MYT1L: variants seen among roughly 807,000 people sequenced by gnomAD.
MYT1L encodes the protein myelin transcription factor 1 like, also known as myelin transcription factor 1-like protein.
A neutral mutation model predicts 126.7 loss-of-function variants in MYT1L; 12 were observed. That is an observed-to-expected ratio of 0.09 (90% CI 0.06 to 0.15). The LOEUF is 0.15. Among genes scored for constraint, MYT1L ranks in the 10% least tolerant of loss-of-function variants. The pLI, the probability that MYT1L is intolerant of heterozygous loss-of-function variation, is 1.00. For missense variants in MYT1L, 979 were observed against 1,585.2 expected, an observed-to-expected ratio of 0.62 and a Z score of 6.49; for synonymous variants, 541 against 604.2, an observed-to-expected ratio of 0.90 and a Z score of 1.53.
intron 2 of MYT1L, among the ~76,000 whole-genome samples, chr2:2,245,321 G>A (rs35229366): frequency 1.3e-5 from 2 of 152,062 alleles, no homozygotes; most frequent in Non-Finnish European, 2.9e-5. Context: ...GCCCTGTAGA[G>A]TCCTGGAGAA....
intron 2 of MYT1L, among the ~76,000 whole-genome samples, chr2:2,213,370 G>C (rs988173483): frequency 4.6e-5 from 7 of 152,182 alleles, no homozygotes; most frequent in Non-Finnish European, 1.5e-5. Flanking sequence ...CTTCAGGACA[G>C]AGCACTGCAG....
chr2:2,322,580 A>T (rs1414684666), intron 1 of MYT1L, among the ~76,000 whole-genome samples: 2 of 151,604 alleles, frequency 1.3e-5, no homozygotes, highest in Non-Finnish European at 2.9e-5. Flanking sequence ...CTAATATGAC[A>T]CAATTTTGAC....
intron 1 of MYT1L, among the ~76,000 whole-genome samples, chr2:2,308,489 C>T (rs527961130): frequency 2.6e-5 from 4 of 151,876 alleles, no homozygotes; most frequent in African/African-American, 9.7e-5. Flanking sequence ...TATACTCCAA[C>T]TATGCTTCAG....
At chr2:2,118,270 T>C (rs540709371) in intron 3 of MYT1L, among the ~76,000 whole-genome samples, 1 of 152,070 alleles carries the variant, frequency 6.6e-6, no homozygotes, top group Non-Finnish European at 1.5e-5. Context: ...ATCTTAGATA[T>C]TTAATATGAA....
chr2:2,145,317 T>C (rs916339076), intron 3 of MYT1L, among the ~76,000 whole-genome samples: 3 of 152,182 alleles, frequency 2.0e-5, no homozygotes, highest in African/African-American at 4.8e-5. Flanking sequence ...ATTTGTGAAA[T>C]GGAATCAGCA....
At chr2:2,262,219 ATG>A (rs1214145952) in intron 2 of MYT1L, among the ~76,000 whole-genome samples, 2 of 152,216 alleles carry the variant, frequency 1.3e-5, no homozygotes, top group Non-Finnish European at 2.9e-5. Context: ...GAATGAATGA[ATG>A]TGTGTTTTAT....
chr2:2,211,278 A>T (rs1161973227), intron 2 of MYT1L, among the ~76,000 whole-genome samples: 1 of 152,208 alleles, frequency 6.6e-6, no homozygotes, highest in African/African-American at 2.4e-5. Flanking sequence ...ATCACATAAC[A>T]ATGACCACGT....
intron 2 of MYT1L, among the ~76,000 whole-genome samples, chr2:2,237,024 G>T (rs1318876508): frequency 6.6e-6 from 1 of 151,968 alleles, no homozygotes; most frequent in Non-Finnish European, 1.5e-5. Context: ...ATGTTGGTCA[G>T]GTTGGTCTCG....
At chr2:2,232,791 G>A (rs1282141540) in intron 2 of MYT1L, among the ~76,000 whole-genome samples, 2 of 152,204 alleles carry the variant, frequency 1.3e-5, no homozygotes, top group Non-Finnish European at 2.9e-5. Flanking sequence ...AGACAGGGCA[G>A]GCAAGAAGAG....
At position 1,912,632 on chromosome 2, in the gene MYT1L, A is replaced by AT. The variant is rs2052209766; in HGVS notation, c.1619-523dup. Among the ~76,000 whole-genome samples, 1 of 152,232 alleles carries AT rather than the reference A, an allele frequency of 6.6e-6. No homozygotes were observed. ...GATGAATACAGAACCACAAACCTTA[A>AT]TTTTAAATAAAATGAATTAAATAAT... On this transcript the variant is annotated intron_variant, in intron 11 of 24. Transcript: ENST00000647738. This position sits in a 1 kb window ranked among gnomAD's most constrained non-coding sequence, Gnocchi z 4.3.
intron 2 of MYT1L, among the ~76,000 whole-genome samples, chr2:2,180,814 CTG>C (rs988370942): frequency 6.9e-6 from 1 of 145,258 alleles, no homozygotes. Context: ...GTATCCATAC[CTG>C]TGTGTACCTG....
chr2:2,317,521 A>T (rs916996635), intron 1 of MYT1L, among the ~76,000 whole-genome samples: 5 of 152,110 alleles, frequency 3.3e-5, no homozygotes, highest in Admixed American at 2.0e-4. Flanking sequence ...GGTCTTCTCA[A>T]TGCAGGGCTC....
chr2:1,922,558 C>A lies in MYT1L; in HGVS notation c.1211G>T (p.Gly404Val), dbSNP rs370168626. The A allele has an allele frequency of 5.6e-6, 9 of 1,613,878 alleles. No homozygotes were observed. Among genetic ancestry groups the A allele is most frequent in the Non-Finnish European group, 7.6e-6 (9 of 1,179,910 alleles). The change falls in exon 10 of 25, where the codon GGG becomes GTG. Residue 404 changes from glycine to valine, a missense_variant. Around this residue, in one of 12 missense-constraint regions of MYT1L, gnomAD observed 243 missense variants for 363.9 expected, o/e 0.67. Coordinates refer to ENST00000647738, the MANE Select transcript of MYT1L (RefSeq NM_001303052.2). The surrounding 1 kb of genome is among the most constrained non-coding windows in gnomAD (Gnocchi z 7.4). ...RVFASCAKED[G>V]CHERDDDTTS... Reference sequence around the variant, plus strand: ...GGTATCGTCGTCCCGCTCATGACACCCATCCTCCTTCGCACAGCTGGCAAA... The same window carrying A: ...GGTATCGTCGTCCCGCTCATGACACACATCCTCCTTCGCACAGCTGGCAAA...
chr2:2,318,974 T>C (rs1016822994), intron 1 of MYT1L, among the ~76,000 whole-genome samples: 9 of 152,220 alleles, frequency 5.9e-5, no homozygotes, highest in African/African-American at 1.7e-4. Flanking sequence ...GGCAGGTATA[T>C]GCAATCAGGT....
intron 1 of MYT1L, among the ~76,000 whole-genome samples, chr2:2,309,381 A>G (rs1018880576): frequency 1.3e-5 from 2 of 151,412 alleles, no homozygotes; most frequent in Non-Finnish European, 2.9e-5. Flanking sequence ...ACTTCAGTAT[A>G]CTCTGTCTAT....
At chr2:1,978,986 G>T (rs2060389218) in intron 8 of MYT1L, among the ~76,000 whole-genome samples, 179 bp downstream of exon 8, 1 of 152,112 alleles carries the variant, frequency 6.6e-6, no homozygotes, top group African/African-American at 2.4e-5. Context: ...AGATCGAACG[G>T]CTTATGTTTT....
At chr2:2,070,802 C>T (rs887507186) in intron 3 of MYT1L, among the ~76,000 whole-genome samples, 3 of 152,152 alleles carry the variant, frequency 2.0e-5, no homozygotes, top group East Asian at 1.9e-4. Context: ...ACATCAATAT[C>T]GGCTCCATGT....
At chr2:2,269,015 G>A (rs546427224) in intron 2 of MYT1L, among the ~76,000 whole-genome samples, 8 of 152,200 alleles carry the variant, frequency 5.3e-5, no homozygotes, top group African/African-American at 1.2e-4. Flanking sequence ...CATTCGGGGC[G>A]ATGTGTAGAT....
At chr2:2,067,408 A>G (rs2074013559) in intron 3 of MYT1L, among the ~76,000 whole-genome samples, 1 of 152,190 alleles carries the variant, frequency 6.6e-6, no homozygotes, top group Non-Finnish European at 1.5e-5. Context: ...CATCATATGC[A>G]AAGAAAATTT....
Sources: gnomAD v4.1 joint callset for allele counts (sites outside exome capture counted in the v4.1 genomes callset) on GRCh38, gnomAD v4.1.1 for gene constraint, gnomAD v4.1.1 regional missense constraint, Gnocchi (gnomAD v3.1) non-coding constraint, MANE v1.5 for transcripts, NCBI Gene and HGNC (gene_info 2026-07-23, HGNC 2026-07-21) for gene names.